The following CD5 variants were observed in gnomAD, a reference collection of about 807,000 sequenced individuals.
CD5 encodes T-cell surface glycoprotein CD5.
A neutral mutation model predicts 60.3 loss-of-function variants in CD5; 36 were observed. The observed-to-expected ratio is 0.60, with a 90% confidence interval of 0.46 to 0.79. The LOEUF (loss-of-function observed/expected upper bound fraction) is 0.79, where lower values mean the gene tolerates loss of function less well. Ranked by LOEUF, CD5 falls within the 30% of genes least tolerant of loss-of-function variation. The pLI is 0.00. For synonymous variants in CD5, 230 were observed against 257.6 expected, an observed-to-expected ratio of 0.89 and a Z score of 1.03; for missense variants, 540 against 630.6, an observed-to-expected ratio of 0.86 and a Z score of 1.54.
intron 1 of CD5, among the ~76,000 whole-genome samples, chr11:61,107,326 A>G (rs1238200820): frequency 6.6e-6 from 1 of 152,088 alleles, no homozygotes; most frequent in African/African-American, 2.4e-5. Context: ...CCCCGTGAGG[A>G]CTTGGGCTTT....
At chr11:61,116,343 G>A (rs77123632) in intron 2 of CD5, among the ~76,000 whole-genome samples, 6,154 of 151,340 alleles carry the variant, frequency 0.041, 339 homozygotes, top group African/African-American at 0.12. Flanking sequence ...TTTGTTTCTT[G>A]CATATTCTTC....
chr11:61,106,976 G>A (rs111966534), intron 1 of CD5, among the ~76,000 whole-genome samples: 2 of 152,124 alleles, frequency 1.3e-5, no homozygotes, highest in South Asian at 2.1e-4. Flanking sequence ...TGAACAAAAC[G>A]GTGGAAAATC....
chr11:61,103,514 G>A (rs1409715816), intron 1 of CD5, among the ~76,000 whole-genome samples: 1 of 152,174 alleles, frequency 6.6e-6, no homozygotes, highest in Non-Finnish European at 1.5e-5. Flanking sequence ...GGGAAACCGG[G>A]TGTGCAGGTG....
chr11:61,109,351 A>G (rs551109707), intron 1 of CD5, among the ~76,000 whole-genome samples: 5 of 152,292 alleles, frequency 3.3e-5, no homozygotes, highest in African/African-American at 9.6e-5. Flanking sequence ...CTCCACACAC[A>G]TGGCGACCGT....
At chr11:61,117,322 TA>T (rs1860980264) in intron 2 of CD5, among the ~76,000 whole-genome samples, 1 of 152,236 alleles carries the variant, frequency 6.6e-6, no homozygotes, top group East Asian at 1.9e-4. Flanking sequence ...TGCCTGAGGC[TA>T]GATTCAGGGA....
chr11:61,117,063 T>C (rs969703813), intron 2 of CD5, among the ~76,000 whole-genome samples: 5 of 152,242 alleles, frequency 3.3e-5, no homozygotes, highest in Admixed American at 2.0e-4. Context: ...TTATTCATAG[T>C]AGGCAAAACC....
At chr11:61,116,373 T>TAC (rs1032371542) in intron 2 of CD5, among the ~76,000 whole-genome samples, 10 of 149,592 alleles carry the variant, frequency 6.7e-5, no homozygotes, top group African/African-American at 2.5e-4. Flanking sequence ...TTTATGCAAA[T>TAC]ACACACACAC....
Position 61,119,469 on chromosome 11 carries a change from GCCA to G in CD5, c.700_702del (p.Pro234del). 6.2e-7 allele frequency: 1 copy of G among 1,614,184 alleles called. No individual in the cohort carries two copies. Among genetic ancestry groups the G allele is most frequent in the African/African-American group, 1.3e-5 (1 of 75,064 alleles). Reference sequence around the variant, plus strand: ...GGGAGCCACGGGAACACCAGCCCTTGCCAATCCAATGGAAGATCCAGAACTCAA... The same window carrying G: ...GGGAGCCACGGGAACACCAGCCCTTGATCCAATGGAAGATCCAGAACTCAA... On this transcript the variant is annotated inframe_deletion, in exon 5 of 11. Transcript: ENST00000347785.
At position 61,112,432 on chromosome 11, in the gene CD5, T is replaced by A. The variant is rs539864286; in HGVS notation, c.56-2624T>A. ...GCTGAGGGGGGTGGATCACCTGAGGTCAGGAGTTCAAGACCAGCCTGGCCA... is the reference window on the plus strand; with the variant it reads ...GCTGAGGGGGGTGGATCACCTGAGGACAGGAGTTCAAGACCAGCCTGGCCA... On this transcript the variant is annotated intron_variant, in intron 1 of 10. Transcript: ENST00000347785. Among the ~76,000 whole-genome samples the A allele has an allele frequency of 6.6e-5, 10 of 152,130 alleles. No homozygotes were observed. The South Asian group carries it at 2.1e-3, about 32-fold the overall frequency.
intron 1 of CD5, among the ~76,000 whole-genome samples, chr11:61,103,912 TGG>T (rs1400558546): frequency 2.6e-5 from 1 of 38,810 alleles, no homozygotes. Context: ...GTACTGTGTG[TGG>T]GGGGGGAATG....
intron 1 of CD5, among the ~76,000 whole-genome samples, chr11:61,109,299 AT>A (rs1326889286): frequency 6.6e-6 from 1 of 152,190 alleles, no homozygotes; most frequent in Non-Finnish European, 1.5e-5. Context: ...GAAACTGCAT[AT>A]GTTTCGCTGC....
chr11:61,121,536 C>T, intron 5 of CD5, 75 bp from the exon 6 acceptor site: 1 of 1,320,798 alleles, frequency 7.6e-7, no homozygotes, highest in Non-Finnish European at 9.9e-7. Flanking sequence ...TTGCCAGTGG[C>T]ATGGGGCCCC....
At chr11:61,101,523 C>T (rs904875475), upstream of CD5, among the ~76,000 whole-genome samples, 6 of 150,400 alleles carry the variant, frequency 4.0e-5, no homozygotes, top group African/African-American at 1.5e-4. Context: ...ACATGGAGAT[C>T]ACACACACAA....
chr11:61,101,493 T>G (rs1860686061), upstream of CD5, among the ~76,000 whole-genome samples: 8 of 135,228 alleles, frequency 5.9e-5, no homozygotes, highest in South Asian at 1.6e-3. Flanking sequence ...CAAATGGGGA[T>G]TACACACACA....
upstream of CD5, among the ~76,000 whole-genome samples, chr11:61,097,883 C>G (rs1860605269): frequency 6.6e-6 from 1 of 152,162 alleles, no homozygotes; most frequent in Admixed American, 6.5e-5. Context: ...CTGATAAAAT[C>G]AGCAGAGCCT....
intron 1 of CD5, 74 bp downstream of exon 1, chr11:61,102,689 C>A: frequency 1.6e-6 from 2 of 1,282,174 alleles, no homozygotes; most frequent in Non-Finnish European, 2.2e-6. Context: ...CCAGTTTTAC[C>A]CAAGGCTGAC....
intron 1 of CD5, among the ~76,000 whole-genome samples, chr11:61,111,078 G>C (rs1485556300): frequency 1.3e-5 from 2 of 152,236 alleles, no homozygotes; most frequent in African/African-American, 4.8e-5. Flanking sequence ...TCTCCAGCTT[G>C]TTCAGTCTTT....
intron 9 of CD5, 94 bp downstream of exon 9, chr11:61,125,245 C>A: frequency 7.1e-7 from 1 of 1,414,304 alleles, no homozygotes; most frequent in Non-Finnish European, 9.8e-7. Context: ...GGGTGATGGC[C>A]CAAAGACAGA....
At chr11:61,104,720 C>T (rs1860754077) in intron 1 of CD5, among the ~76,000 whole-genome samples, 1 of 152,234 alleles carries the variant, frequency 6.6e-6, no homozygotes, top group African/African-American at 2.4e-5. Context: ...CTTTTAAAGC[C>T]ATTTTCTGCT....
Sources: allele counts gnomAD v4.1 joint callset (sites outside exome capture counted in the v4.1 genomes callset), GRCh38; gene constraint gnomAD v4.1.1; transcripts MANE v1.5; gene names NCBI Gene and HGNC (gene_info 2026-07-23, HGNC 2026-07-21).